The following COLEC10 variants were observed in gnomAD, a reference collection of about 807,000 sequenced individuals.
COLEC10 encodes collectin subfamily member 10.
A neutral mutation model predicts 28.4 loss-of-function variants in COLEC10; 22 were observed. That is an observed-to-expected ratio of 0.78 (90% CI 0.55 to 1.11). The LOEUF is 1.11. Among genes scored for constraint, COLEC10 ranks in the 50% least tolerant of loss-of-function variants. The pLI is 0.00. For synonymous variants in COLEC10, 125 were observed against 116.1 expected (o/e 1.08, Z -0.49); for missense variants, 361 against 344.1 (o/e 1.05, Z -0.39).
the COLEC10 span, among the ~76,000 whole-genome samples, chr8:118,989,571 ACACACACC>A: frequency 1.8e-4 from 27 of 149,108 alleles, no homozygotes; most frequent in African/African-American, 6.8e-4. Context: ...ACACACACAC[ACACACACC>A]CCTACCTACC....
intron 2 of COLEC10, among the ~76,000 whole-genome samples, chr8:119,012,803 T>TG (rs1479314436): frequency 6.6e-6 from 1 of 150,508 alleles, no homozygotes; most frequent in African/African-American, 2.5e-5. Context: ...CCATTGGATC[T>TG]GTAGTGATGT....
intron 3 of COLEC10, among the ~76,000 whole-genome samples, chr8:119,101,657 A>G (rs999460999): frequency 2.2e-4 from 33 of 152,194 alleles, no homozygotes; most frequent in African/African-American, 8.0e-4. Flanking sequence ...ACTTCTAAAA[A>G]TTGTAAACTC....
chr8:119,027,600 A>C (rs1461629144), intron 2 of COLEC10, among the ~76,000 whole-genome samples: 1 of 152,172 alleles, frequency 6.6e-6, no homozygotes, highest in Non-Finnish European at 1.5e-5. Context: ...CCACTTCCTT[A>C]TATGTAGCTA....
At chr8:118,978,914 A>G in the COLEC10 span, among the ~76,000 whole-genome samples, 1 of 152,040 alleles carries the variant, frequency 6.6e-6, no homozygotes, top group African/African-American at 2.4e-5. Context: ...AATTTGGAAA[A>G]TCATTTTATC....
chr8:119,092,827 A>G (rs1815635945), intron 3 of COLEC10, among the ~76,000 whole-genome samples: 1 of 151,988 alleles, frequency 6.6e-6, no homozygotes, highest in African/African-American at 2.4e-5. Context: ...AATCGCTTGA[A>G]CCTGGGAGGC....
rs367607716 is a variant in COLEC10 at position 119,012,470 on chromosome 8, T to G, written n.235+2917T>G. On this transcript the variant is annotated intron_variant and non_coding_transcript_variant, in intron 2 of 6. Coordinates refer to the COLEC10 transcript ENST00000521788. ...TGGTCTGGTTTTAGTGTTAGGGTAATGCTAGCCTTATATAATGAGTTAGAA... is the reference window on the plus strand; with the variant it reads ...TGGTCTGGTTTTAGTGTTAGGGTAAGGCTAGCCTTATATAATGAGTTAGAA... Among the ~76,000 whole-genome samples, 253 of 150,736 alleles carry G rather than the reference T, an allele frequency of 1.7e-3. 9 individuals carry two copies. The South Asian group carries it at 0.05, about 30-fold the overall frequency.
At chr8:118,987,655 A>G in the COLEC10 span, among the ~76,000 whole-genome samples, 1 of 152,134 alleles carries the variant, frequency 6.6e-6, no homozygotes, top group Non-Finnish European at 1.5e-5. Context: ...AGTGTTGAGA[A>G]AAAAAAATCT....
rs543082290 is a variant in COLEC10, at chr8:119,107,595, G to C, written c.*1404G>C. 6.6e-6 allele frequency among the ~76,000 whole-genome samples: 1 copy of C among 152,296 alleles called. No individual in the cohort carries two copies. Among genetic ancestry groups the C allele is most frequent in the Non-Finnish European group, 1.5e-5 (1 of 68,030 alleles). ...ATTTCACCCGTGACTAACTGGTTATGAGATAGGACTTAATTAGGTTATTTC... is the reference window on the plus strand; with the variant it reads ...ATTTCACCCGTGACTAACTGGTTATCAGATAGGACTTAATTAGGTTATTTC... On this transcript the variant is annotated 3_prime_UTR_variant, in exon 6 of 6. Transcript: ENST00000332843.
chr8:119,028,567 T>TAGC (rs1469433487), intron 2 of COLEC10, among the ~76,000 whole-genome samples: 2 of 152,048 alleles, frequency 1.3e-5, no homozygotes, highest in African/African-American at 2.4e-5. Flanking sequence ...ATCAGGAGAA[T>TAGC]AGCACGGGAA....
upstream of COLEC10, among the ~76,000 whole-genome samples, chr8:119,066,718 A>G (rs1393279146): frequency 3.3e-5 from 5 of 152,216 alleles, no homozygotes; most frequent in Admixed American, 3.3e-4. Flanking sequence ...GCTTCACAGA[A>G]AAGCTGGTTG....
At chr8:119,068,849 GT>G (rs1056012472) in intron 1 of COLEC10, 1 of 151,948 alleles carries the variant, frequency 6.6e-6, no homozygotes, top group African/African-American at 2.4e-5. Flanking sequence ...AACTAAGTCT[GT>G]TATGTTCTTG....
chr8:119,001,227 TGAAAA>T, intron 1 of COLEC10, among the ~76,000 whole-genome samples: 1 of 152,098 alleles, frequency 6.6e-6, no homozygotes, highest in East Asian at 1.9e-4. Context: ...AGTAGAAGAT[TGAAAA>T]GAGAAAGAAA....
At chr8:119,049,223 C>T (rs1563727472) in intron 2 of COLEC10, among the ~76,000 whole-genome samples, 2 of 151,974 alleles carry the variant, frequency 1.3e-5, no homozygotes, top group South Asian at 2.1e-4. Context: ...TAACGGGTTT[C>T]CCTCTGTACA....
chr8:118,963,751 A>G, the COLEC10 span, among the ~76,000 whole-genome samples: 2 of 152,126 alleles, frequency 1.3e-5, no homozygotes, highest in African/African-American at 4.8e-5. Context: ...GTCTTTCCAC[A>G]GAGTATAAGC....
rs530137382 is a variant in COLEC10, at chr8:119,049,705, C to T, written n.236-39975C>T. Among the ~76,000 whole-genome samples the T allele has an allele frequency of 1.4e-3, 214 of 152,170 alleles. 1 individual carries two copies. The highest frequency in any genetic ancestry group is 4.6e-3 in the African/African-American group (193 of 41,518). ...CTGGGATTACAGGCGTGAGCCACCT[C>T]GCCTGGCTGGTATTTTCTTTTAACA... On this transcript the variant is annotated intron_variant and non_coding_transcript_variant, in intron 2 of 6. Transcript: ENST00000521788.
rs564253314 is a variant in COLEC10, at chr8:119,049,615, C to T, written n.235+40062C>T. Among the ~76,000 whole-genome samples the T allele has an allele frequency of 4.0e-5, 6 of 151,892 alleles. 1 individual carries two copies. The South Asian group carries it at 6.2e-4, about 16-fold the overall frequency. ...ATTTTTAGTAGAGACGAGGTTTCACCGTGTTAGCCAGGATTGTCTCAATCT... is the reference window on the plus strand; with the variant it reads ...ATTTTTAGTAGAGACGAGGTTTCACTGTGTTAGCCAGGATTGTCTCAATCT... On this transcript the variant is annotated intron_variant and non_coding_transcript_variant, in intron 2 of 6. Coordinates refer to the COLEC10 transcript ENST00000521788.
intron 3 of COLEC10, among the ~76,000 whole-genome samples, chr8:119,098,275 C>G (rs116054574): frequency 6.6e-6 from 1 of 151,936 alleles, no homozygotes. Context: ...TAGTAGATGA[C>G]GAAGACAAGA....
chr8:118,952,494 ATCAT>A, the COLEC10 span, among the ~76,000 whole-genome samples: 3 of 152,228 alleles, frequency 2.0e-5, no homozygotes, highest in African/African-American at 7.2e-5. Flanking sequence ...GGAGTTCGCA[ATCAT>A]TCATCTTCAA....
At chr8:118,982,310 T>G in the COLEC10 span, among the ~76,000 whole-genome samples, 5 of 152,042 alleles carry the variant, frequency 3.3e-5, no homozygotes, top group East Asian at 9.7e-4. Flanking sequence ...AATAAAGCCA[T>G]GAGGACAGTG....
Sources: gnomAD v4.1 joint callset for allele counts (sites outside exome capture counted in the v4.1 genomes callset) on GRCh38, gnomAD v4.1.1 for gene constraint, MANE v1.5 for transcripts, NCBI Gene and HGNC (gene_info 2026-07-23, HGNC 2026-07-21) for gene names.